NOTCH2NLC: variants seen among roughly 807,000 people sequenced by gnomAD.
NOTCH2NLC encodes the protein notch homolog 2 N-terminal-like protein C.
Under a neutral mutation model 17.7 loss-of-function variants are expected in NOTCH2NLC, and 4 were observed. The observed-to-expected ratio is 0.23, with a 90% CI of 0.11 to 0.52. NOTCH2NLC has a LOEUF of 0.52. Among genes scored for constraint, NOTCH2NLC ranks in the 20% least tolerant of loss-of-function variants. The pLI is 0.96. For missense variants in NOTCH2NLC, 57 were observed against 207.2 expected (o/e 0.28, Z 4.45); for synonymous variants, 18 against 86.0 (o/e 0.21, Z 4.38).
At chr1:149,413,310 T>A (rs1471230121) in intron 1 of NOTCH2NLC, among the ~76,000 whole-genome samples, 3 of 151,074 alleles carry the variant, frequency 2.0e-5, no homozygotes, top group African/African-American at 7.3e-5. Context: ...ATTTTATCTT[T>A]CCACATGATG....
At position 149,471,361 on chromosome 1, in the gene NOTCH2NLC, T is replaced by A. The variant is rs1293364938; in HGVS notation, c.*7208T>A. On this transcript the variant is annotated 3_prime_UTR_variant, in exon 5 of 5. Coordinates refer to ENST00000650865, the MANE Select transcript of NOTCH2NLC (RefSeq NM_001364013.2). Reference sequence around the variant, plus strand: ...AATTTATTTTTTCTTTTGTTGCTTGTGCTTTCAGTCATATTTGTGAAAACT... The same window carrying A: ...AATTTATTTTTTCTTTTGTTGCTTGAGCTTTCAGTCATATTTGTGAAAACT... 2.0e-5 allele frequency among the ~76,000 whole-genome samples: 3 copies of A among 149,650 alleles called. 1 individual carries two copies. The highest frequency in any genetic ancestry group is 4.5e-5 in the Non-Finnish European group (3 of 67,246).
intron 2 of NOTCH2NLC, 116 bp downstream of exon 2, chr1:149,431,131 G>A: frequency 7.7e-6 from 1 of 130,470 alleles, no homozygotes; most frequent in Non-Finnish European, 1.3e-5. Flanking sequence ...AGCTTTCCTG[G>A]TACAGATTTT....
At chr1:149,435,914 C>A (rs1472689754) in intron 2 of NOTCH2NLC, among the ~76,000 whole-genome samples, 2 of 150,042 alleles carry the variant, frequency 1.3e-5, no homozygotes, top group Non-Finnish European at 1.5e-5. Flanking sequence ...AAAACAAAAA[C>A]AAAACTGTAA....
intron 1 of NOTCH2NLC, among the ~76,000 whole-genome samples, chr1:149,417,253 G>C (rs1190827777): frequency 1.3e-5 from 2 of 149,904 alleles, no homozygotes; most frequent in Non-Finnish European, 3.0e-5. Context: ...GGGATTACAG[G>C]TGCCCGCCAC....
At position 149,457,626 on chromosome 1, in the gene NOTCH2NLC, C is replaced by G. The variant is rs1240159515; in HGVS notation, c.469+2049C>G. On this transcript the variant is annotated intron_variant, in intron 3 of 4. Coordinates refer to ENST00000650865, the MANE Select transcript of NOTCH2NLC (RefSeq NM_001364013.2). ...AATAGGCTGTCTGCAGGCTGAGGAG[C>G]AAGGAGAGCCAGTCTTGAGTTCCAA... is the stretch of plus-strand genomic sequence containing the variant. Among the ~76,000 whole-genome samples the G allele has an allele frequency of 9.3e-5, 14 of 150,250 alleles. 1 individual carries two copies. The highest frequency in any genetic ancestry group is 1.8e-4 in the Non-Finnish European group (12 of 67,352).
At chr1:149,419,840 A>AATATATATAT (rs1247876476) in intron 1 of NOTCH2NLC, among the ~76,000 whole-genome samples, 22 of 113,490 alleles carry the variant, frequency 1.9e-4, no homozygotes, top group East Asian at 1.5e-3. Flanking sequence ...GAAGTTCAGG[A>AATATATATAT]ATATATATAT....
chr1:149,398,886 A>T (rs1236305575), intron 1 of NOTCH2NLC, among the ~76,000 whole-genome samples: 1 of 152,076 alleles, frequency 6.6e-6, no homozygotes, highest in Non-Finnish European at 1.5e-5. Context: ...GCCAAGATGG[A>T]CTCATTGTTG....
At chr1:149,419,898 G>A (rs1264765811) in intron 1 of NOTCH2NLC, among the ~76,000 whole-genome samples, 5 of 103,666 alleles carry the variant, frequency 4.8e-5, no homozygotes, top group African/African-American at 1.9e-4. Context: ...GCAGAGTCTT[G>A]CTGTGTCGCC....
intron 1 of NOTCH2NLC, among the ~76,000 whole-genome samples, chr1:149,424,055 T>C (rs2084396821): frequency 6.6e-6 from 1 of 151,162 alleles, no homozygotes; most frequent in Non-Finnish European, 1.5e-5. Context: ...AAAACCTAGG[T>C]AAATGCCTAG....
intron 1 of NOTCH2NLC, among the ~76,000 whole-genome samples, chr1:149,426,544 T>G (rs2084413759): frequency 7.3e-6 from 1 of 137,922 alleles, no homozygotes; most frequent in African/African-American, 2.6e-5. Flanking sequence ...AATGATGGAG[T>G]GATGAGATTG....
intron 1 of NOTCH2NLC, among the ~76,000 whole-genome samples, chr1:149,393,069 C>CAAAAAAAAAAA (rs1158506660): frequency 1.9e-4 from 8 of 43,072 alleles, no homozygotes; most frequent in African/African-American, 5.8e-4. Flanking sequence ...GACTCCGTCT[C>CAAAAAAAAAAA]AAAAAAAAAA....
intron 1 of NOTCH2NLC, among the ~76,000 whole-genome samples, chr1:149,416,874 A>G (rs1413119033): frequency 7.2e-6 from 1 of 138,706 alleles, no homozygotes; most frequent in Non-Finnish European, 1.6e-5. Context: ...CATGTGTATG[A>G]GTGGTAGTTC....
At chr1:149,460,854 CCTTT>C (rs1169297627) in intron 3 of NOTCH2NLC, among the ~76,000 whole-genome samples, 5,049 of 113,786 alleles carry the variant, frequency 0.044, 185 homozygotes, top group African/African-American at 0.047. Context: ...TTTCTTTCTC[CCTTT>C]CTTTCTTTCT....
chr1:149,432,537 A>C (rs2084458952), intron 2 of NOTCH2NLC, among the ~76,000 whole-genome samples: 1 of 151,096 alleles, frequency 6.6e-6, no homozygotes, highest in East Asian at 2.0e-4. Flanking sequence ...GAGGGAACTT[A>C]ATACCTTAGA....
At chr1:149,421,177 T>C (rs2084377064) in intron 1 of NOTCH2NLC, among the ~76,000 whole-genome samples, 1 of 119,904 alleles carries the variant, frequency 8.3e-6, no homozygotes, top group Non-Finnish European at 1.7e-5. Context: ...AAGCATGTAC[T>C]TAAAATTAAG....
chr1:149,392,873 C>T (rs1484558591), intron 1 of NOTCH2NLC, among the ~76,000 whole-genome samples: 1 of 150,430 alleles, frequency 6.6e-6, no homozygotes. Flanking sequence ...AGATCGAGAC[C>T]ATCCCGGCTA....
intron 1 of NOTCH2NLC, among the ~76,000 whole-genome samples, chr1:149,419,853 A>AT (rs1319765127): frequency 4.1e-4 from 45 of 110,866 alleles, no homozygotes; most frequent in Admixed American, 1.9e-3. Context: ...ATATATATAT[A>AT]TATTTTTTTT....
chr1:149,394,411 T>C (rs2101460325), intron 1 of NOTCH2NLC, among the ~76,000 whole-genome samples: 1 of 151,408 alleles, frequency 6.6e-6, no homozygotes, highest in African/African-American at 2.4e-5. Flanking sequence ...ATTTTAAAAT[T>C]GCTGACGTAA....
At chr1:149,395,010 C>T (rs1482547343) in intron 1 of NOTCH2NLC, among the ~76,000 whole-genome samples, 1 of 148,402 alleles carries the variant, frequency 6.7e-6, no homozygotes, top group Non-Finnish European at 1.5e-5. Flanking sequence ...GTTCATTGTT[C>T]ATGGTCACAG....
Sources: allele counts gnomAD v4.1 joint callset (sites outside exome capture counted in the v4.1 genomes callset), GRCh38; gene constraint gnomAD v4.1.1; transcripts MANE v1.5; gene names NCBI Gene and HGNC (gene_info 2026-07-23, HGNC 2026-07-21).